The following SLC18B1 variants were observed in gnomAD, a reference collection of about 807,000 sequenced individuals.
The protein encoded by SLC18B1 is MFS-type transporter SLC18B1.
SLC18B1 carries 62 observed loss-of-function variants against 53.9 expected under a neutral mutation model. The ratio of observed to expected loss-of-function variants is 1.15; its 90% CI spans 0.94 to 1.42. SLC18B1 has a LOEUF of 1.42. SLC18B1 is among the 40% of genes most tolerant of loss of function. The pLI, the probability that SLC18B1 is intolerant of heterozygous loss-of-function variation, is 0.00. For missense variants in SLC18B1, 598 were observed against 547.3 expected, an observed-to-expected ratio of 1.09 and a Z score of -0.93; for synonymous variants, 217 against 200.9, an observed-to-expected ratio of 1.08 and a Z score of -0.68.
chr6:132,792,887 G>C (rs1310968062), intron 2 of SLC18B1, among the ~76,000 whole-genome samples: 2 of 152,194 alleles, frequency 1.3e-5, no homozygotes, highest in African/African-American at 4.8e-5. Context: ...AGGAGGCCAA[G>C]GCGAGTGGAT....
At position 132,774,953 on chromosome 6, in the gene SLC18B1, T is replaced by C. The variant is rs540852937; in HGVS notation, c.898-640A>G. 2.0e-3 allele frequency among the ~76,000 whole-genome samples: 312 copies of C among 152,214 alleles called. 1 individual carries two copies. The highest frequency in any genetic ancestry group is 7.3e-3 in the African/African-American group (303 of 41,538). ...ACAAAAAAAACCCACCAAGTATTAATAGTTACAATACCTAGAAAAATCACA... is the reference window on the plus strand; with the variant it reads ...ACAAAAAAAACCCACCAAGTATTAACAGTTACAATACCTAGAAAAATCACA... On this transcript the variant is annotated intron_variant, in intron 8 of 13. Transcript: ENST00000275227.
chr6:132,798,308 A>G lies in SLC18B1; in HGVS notation c.43+106T>C, dbSNP rs2114694291. 5 of 1,231,830 alleles carry G rather than the reference A, an allele frequency of 4.1e-6. No homozygotes were observed. The South Asian group carries it at 6.3e-5, about 15-fold the overall frequency. The allele number at this position is 1,231,830 out of a possible 1,614,324, so 76.3% of individuals were successfully genotyped here. On this transcript the variant is annotated intron_variant, in intron 1 of 13. Transcript: ENST00000275227. ...CACGATCAGGCCCCAGCCTTTTCCA[A>G]TCTCTCGGAAACAGATCAAGCTATA...
chr6:132,784,993 AC>A (rs2114674866), intron 5 of SLC18B1, among the ~76,000 whole-genome samples: 1 of 151,620 alleles, frequency 6.6e-6, no homozygotes, highest in South Asian at 2.1e-4. Flanking sequence ...TGGTATTGCT[AC>A]CATTTGTGTA....
chr6:132,774,495 T>C (rs1007782580), intron 8 of SLC18B1, among the ~76,000 whole-genome samples, 182 bp from the exon 9 acceptor site: 2 of 152,266 alleles, frequency 1.3e-5, no homozygotes, highest in Admixed American at 6.5e-5. Context: ...GCAATGACGA[T>C]ATATAACAAG....
At chr6:132,793,443 G>A (rs954542386) in intron 2 of SLC18B1, among the ~76,000 whole-genome samples, 14 of 152,134 alleles carry the variant, frequency 9.2e-5, no homozygotes, top group Admixed American at 3.3e-4. Flanking sequence ...CCTCTGCGAG[G>A]CGAGACAAAA....
chr6:132,794,778 C>T (rs577189629), intron 2 of SLC18B1, among the ~76,000 whole-genome samples: 68 of 152,204 alleles, frequency 4.5e-4, no homozygotes, highest in Middle Eastern at 3.4e-3. Context: ...ACATGGTGGA[C>T]GGATTGCTTG....
chr6:132,774,194 C>T (rs371932390), intron 9 of SLC18B1, 28 bp downstream of exon 9: 15 of 1,547,994 alleles, frequency 9.7e-6, no homozygotes, highest in African/African-American at 1.4e-5. Flanking sequence ...GTTATTTGGC[C>T]AAACATACAG....
Position 132,771,135 on chromosome 6 carries a change from A to G in SLC18B1, c.1161-6T>C, listed in dbSNP as rs1238846837. The G allele has an allele frequency of 6.2e-7, 1 of 1,611,694 alleles. No homozygotes were observed. The highest frequency in any genetic ancestry group is 1.1e-5 in the South Asian group (1 of 90,366). On this transcript the variant is annotated splice_polypyrimidine_tract_variant and splice_region_variant and intron_variant, in intron 11 of 13. Transcript: ENST00000275227. The stretch of plus-strand genomic sequence containing the variant: ...GCGTTGGTCCCATAAAAGCACTAAC[A>G]ATAGAAAGAAGAAAAAGTATTCAAT...
intron 2 of SLC18B1, among the ~76,000 whole-genome samples, chr6:132,794,981 G>A (rs1038139268): frequency 2.0e-5 from 3 of 151,988 alleles, no homozygotes; most frequent in South Asian, 2.1e-4. Flanking sequence ...TTTCAGCCTC[G>A]ATGACAGAGT....
intron 2 of SLC18B1, among the ~76,000 whole-genome samples, chr6:132,792,418 C>G (rs118038135): frequency 6.6e-6 from 1 of 151,112 alleles, no homozygotes; most frequent in East Asian, 1.9e-4. Flanking sequence ...GAAGGACATT[C>G]ATTAGTCAAG....
intron 5 of SLC18B1, among the ~76,000 whole-genome samples, chr6:132,784,984 G>T (rs1007060681): frequency 6.6e-6 from 1 of 151,228 alleles, no homozygotes; most frequent in Non-Finnish European, 1.5e-5. Context: ...TGGTACATAT[G>T]GTATTGCTAC....
intron 8 of SLC18B1, among the ~76,000 whole-genome samples, chr6:132,775,218 C>T (rs117694355): frequency 1.7e-3 from 256 of 152,332 alleles, no homozygotes; most frequent in Middle Eastern, 3.4e-3. Flanking sequence ...CGCCAGGCAA[C>T]AGGCCCTCAT....
chr6:132,779,179 C>CAAGGG, intron 7 of SLC18B1, 89 bp downstream of exon 7: 3 of 1,487,180 alleles, frequency 2.0e-6, no homozygotes, highest in East Asian at 2.3e-5. Flanking sequence ...CCCAGCCACG[C>CAAGGG]AAGGGTCTTT....
In SLC18B1 at chr6:132,792,732, G is replaced by A. The variant is rs150526517; in HGVS notation, c.184-2460C>T. On this transcript the variant is annotated intron_variant, in intron 2 of 13. Coordinates refer to ENST00000275227, the MANE Select transcript of SLC18B1 (RefSeq NM_052831.3). ...CTGTGGAAATGGAATGCTGACACAG[G>A]ATGTGCTAGAACCACATGCTACAGC... is the stretch of plus-strand genomic sequence containing the variant. Among the ~76,000 whole-genome samples, 339 of 152,296 alleles carry A rather than the reference G, an allele frequency of 2.2e-3. 3 individuals are homozygous for A. Among genetic ancestry groups the A allele is most frequent in the African/African-American group, 7.7e-3 (321 of 41,554 alleles).
chr6:132,789,604 T>C (rs537872311), intron 4 of SLC18B1, 160 bp downstream of exon 4: 1 of 587,862 alleles, frequency 1.7e-6, no homozygotes, highest in East Asian at 2.8e-5. Context: ...ATGCCATTTA[T>C]CCCTGTTCTC....
At chr6:132,778,289 T>C (rs972991907) in intron 7 of SLC18B1, among the ~76,000 whole-genome samples, 4 of 152,098 alleles carry the variant, frequency 2.6e-5, no homozygotes, top group African/African-American at 4.8e-5. Flanking sequence ...ATGGCTTAGC[T>C]TGGGCTCAGA....
chr6:132,792,785 G>T (rs1472892600), intron 2 of SLC18B1, among the ~76,000 whole-genome samples: 1 of 152,126 alleles, frequency 6.6e-6, no homozygotes. Context: ...TTTGGAACAT[G>T]GATCCTGCTT....
chr6:132,779,941 A>T (rs1048751048), intron 6 of SLC18B1, among the ~76,000 whole-genome samples: 4 of 152,128 alleles, frequency 2.6e-5, no homozygotes, highest in African/African-American at 9.7e-5. Context: ...ATCTTGTGAG[A>T]CTTATTCACT....
At chr6:132,777,285 A>G (rs1317612122) in intron 7 of SLC18B1, among the ~76,000 whole-genome samples, 1 of 152,198 alleles carries the variant, frequency 6.6e-6, no homozygotes, top group Admixed American at 6.5e-5. Context: ...AGCCAGGAAC[A>G]AGTAGGGCCT....
Sources: gnomAD v4.1 joint callset for allele counts (sites outside exome capture counted in the v4.1 genomes callset) on GRCh38, gnomAD v4.1.1 for gene constraint, MANE v1.5 for transcripts, NCBI Gene and HGNC (gene_info 2026-07-23, HGNC 2026-07-21) for gene names.